Variants in ADPRHL1 observed in about 807,000 individuals in gnomAD.
The protein encoded by ADPRHL1 is ADP-ribosylhydrolase like 1.
A neutral mutation model predicts 44.1 loss-of-function variants in ADPRHL1; 43 were observed. The observed-to-expected ratio is 0.98, with a 90% CI of 0.76 to 1.26. ADPRHL1 has a LOEUF of 1.26. Ranked by LOEUF, ADPRHL1 falls within the 50% of genes most tolerant of loss-of-function variation. The pLI, the probability that ADPRHL1 is intolerant of heterozygous loss-of-function variation, is 0.00. For synonymous variants in ADPRHL1, 878 were observed against 1,017.4 expected (o/e 0.86, Z 2.61); for missense variants, 2,022 against 2,496.9 (o/e 0.81, Z 4.05).
At chr13:113,410,804 C>T (rs1348855323) in intron 7 of ADPRHL1, among the ~76,000 whole-genome samples, 1 of 152,192 alleles carries the variant, frequency 6.6e-6, no homozygotes, top group African/African-American at 2.4e-5. Flanking sequence ...AGCCTGGGGG[C>T]ATTGTGCTCC....
chr13:113,419,097 C>G (rs555988041), intron 7 of ADPRHL1, among the ~76,000 whole-genome samples: 1 of 4,436 alleles, frequency 2.3e-4, no homozygotes, highest in African/African-American at 7.2e-4. Context: ...TTCCCTCCCT[C>G]CCTTTCTTTT....
chr13:113,426,075 C>T (rs565399387), intron 4 of ADPRHL1, among the ~76,000 whole-genome samples: 8 of 152,292 alleles, frequency 5.3e-5, no homozygotes, highest in Admixed American at 2.6e-4. Context: ...CAGAGCAGGG[C>T]GTGGCATGTT....
chr13:113,431,453 G>C (rs917600233), intron 3 of ADPRHL1, among the ~76,000 whole-genome samples: 1 of 152,228 alleles, frequency 6.6e-6, no homozygotes, highest in Non-Finnish European at 1.5e-5. Context: ...TCTATGAATG[G>C]TTCTCAAGCC....
intron 7 of ADPRHL1, among the ~76,000 whole-genome samples, chr13:113,419,002 T>C (rs61968969): frequency 0.62 from 21,151 of 33,946 alleles, 5,635 homozygotes; most frequent in Middle Eastern, 0.84. Context: ...CTCCCTCCCT[T>C]CCTCCCTCCC....
chr13:113,438,754 G>A (rs1024897005), intron 2 of ADPRHL1, among the ~76,000 whole-genome samples: 1 of 152,072 alleles, frequency 6.6e-6, no homozygotes, highest in African/African-American at 2.4e-5. Flanking sequence ...GAACTCCTGG[G>A]TCCAAGTGAT....
Position 113,405,980 on chromosome 13 carries a change from T to C in ADPRHL1, c.3302A>G (p.Asn1101Ser). 1 of 1,232,102 alleles carries C rather than the reference T, an allele frequency of 8.1e-7. No homozygotes were observed. Among genetic ancestry groups the C allele is most frequent in the Non-Finnish European group, 1.0e-6 (1 of 988,038 alleles). 76.3% of individuals were successfully genotyped at this position (1,232,102 alleles called of 1,614,324 possible). A position where few individuals can be genotyped will look rare whatever the true frequency, so the allele number is the denominator to read the frequency against. ...TTTCATACCTGGTTTGGGTGGTTCA[T>C]TTAATGAGGACAGTGGGTTCTCGCG... is the stretch of plus-strand genomic sequence containing the variant. ...DVRENPLSSL[N>S]EPPKPGMKAC... is the part of the protein sequence containing the mutation. The change falls in exon 8 of 8, where the codon AAT becomes AGT. Residue 1101 changes from asparagine (N) to serine (S), a missense_variant. Around this residue, in one of 8 missense-constraint regions of ADPRHL1, gnomAD observed 1,221 missense variants for 1,517.8 expected, o/e 0.80. Transcript: ENST00000612156.
In ADPRHL1 at chr13:113,453,442, G is replaced by T; in HGVS notation, c.-5C>A. ...CGCAGCCTTAAATTTCTCCATCCCA[G>T]GAGGCAGCTCCTCTTCCCCAACAGC... On this transcript the variant is annotated 5_prime_UTR_variant, in exon 1 of 8. It adds an upstream start codon to the 5' untranslated region. Coordinates refer to ENST00000612156, the MANE Select transcript of ADPRHL1 (RefSeq NM_001394807.1). This position sits in a 1 kb window ranked among gnomAD's most constrained non-coding sequence, Gnocchi z 5.4. 1 of 1,613,958 alleles carries T rather than the reference G, an allele frequency of 6.2e-7. No individual in the cohort carries two copies. The highest frequency in any genetic ancestry group is 8.5e-7 in the Non-Finnish European group (1 of 1,180,010).
chr13:113,423,562 C>G (rs1366736613), intron 6 of ADPRHL1, among the ~76,000 whole-genome samples: 1 of 152,246 alleles, frequency 6.6e-6, no homozygotes, highest in African/African-American at 2.4e-5. Flanking sequence ...CCAAGCCTCA[C>G]TGAAGGGAGG....
rs559123104 is a variant in ADPRHL1, at chr13:113,407,019, C to T, written c.2263G>A (p.Val755Ile). 26 of 1,232,264 alleles carry T rather than the reference C, an allele frequency of 2.1e-5. No individual in the cohort carries two copies. Among genetic ancestry groups the T allele is most frequent in the South Asian group, 2.1e-4 (5 of 24,324 alleles). The allele number at this position is 1,232,264 out of a possible 1,614,324, so 76.3% of individuals were successfully genotyped here. A position where few individuals can be genotyped will look rare whatever the true frequency, so the allele number is the denominator to read the frequency against. ...AGCCTGGCTCCCCTCACCTCCTGGA[C>T]GCCTCCTGCGGTGCTCTCTGCGGTG... ...DPTAESTAGG[V>I]QEVRGARLTW... Residue 755 changes from valine (V) to isoleucine (I), a missense_variant, in exon 8 of 8, where the codon GTC becomes ATC. Coordinates refer to ENST00000612156, the MANE Select transcript of ADPRHL1 (RefSeq NM_001394807.1).
chr13:113,450,958 C>CCG (rs1555328347), intron 1 of ADPRHL1, among the ~76,000 whole-genome samples: 2 of 151,560 alleles, frequency 1.3e-5, no homozygotes, highest in African/African-American at 4.9e-5. Flanking sequence ...GGAGACCCCC[C>CCG]CCCCCTTCCT....
In ADPRHL1 at chr13:113,424,444, G is replaced by T. The variant is rs567894195; in HGVS notation, c.775-95C>A. 4 of 1,517,056 alleles carry T rather than the reference G, an allele frequency of 2.6e-6. No homozygotes were observed. In the African/African-American group the frequency reaches 4.1e-5, roughly 16 times the overall value. The allele number at this position is 1,517,056 out of a possible 1,614,324, so 94.0% of individuals were successfully genotyped here. A position where few individuals can be genotyped will look rare whatever the true frequency, so the allele number is the denominator to read the frequency against. On this transcript the variant is annotated intron_variant, in intron 5 of 7. Coordinates refer to ENST00000612156, the MANE Select transcript of ADPRHL1 (RefSeq NM_001394807.1). The stretch of plus-strand genomic sequence containing the variant: ...CTTTCTGGGCCCCTCCTAGTGAACT[G>T]CCATTTCATCCATCCACCCTTTTCT...
intron 7 of ADPRHL1, among the ~76,000 whole-genome samples, chr13:113,416,724 T>C (rs1387232449): frequency 6.6e-6 from 1 of 152,224 alleles, no homozygotes; most frequent in African/African-American, 2.4e-5. Context: ...AGGATGCTGT[T>C]ATGTTGGATA....
In ADPRHL1 at chr13:113,405,655, G is replaced by A; in HGVS notation, c.3627C>T (p.Ala1209=). Reference sequence around the variant, plus strand: ...GGGCCGCAGCATCCTCCGGGTGGCGGGCGAGGGTCGCAATGTCCTCTGGGT... The same window carrying A: ...GGGCCGCAGCATCCTCCGGGTGGCGAGCGAGGGTCGCAATGTCCTCTGGGT... The part of the protein sequence containing the change: ...VQHPEDIATL[A]RHPEDAAALA... Residue 1209 remains alanine, a synonymous_variant, in exon 8 of 8, where the codon GCC becomes GCT. Transcript: ENST00000612156. 5.7e-6 allele frequency: 7 copies of A among 1,232,754 alleles called. No individual in the cohort carries two copies. The highest frequency in any genetic ancestry group is 7.1e-6 in the Non-Finnish European group (7 of 988,840). 76.4% of individuals were successfully genotyped at this position (1,232,754 alleles called of 1,614,324 possible). A position where few individuals can be genotyped will look rare whatever the true frequency, so the allele number is the denominator to read the frequency against.
At chr13:113,447,023 T>C (rs2044144701) in intron 1 of ADPRHL1, among the ~76,000 whole-genome samples, 1 of 142,812 alleles carries the variant, frequency 7.0e-6, no homozygotes, top group African/African-American at 2.6e-5. Flanking sequence ...CACGGTGTTG[T>C]GTGTGTATGG....
Position 113,403,241 on chromosome 13 carries a change from G to A in ADPRHL1, c.*137C>T. The A allele has an allele frequency of 1.3e-6, 1 of 775,160 alleles. No homozygotes were observed. The highest frequency in any genetic ancestry group is 3.4e-5 in the East Asian group (1 of 29,734). The allele number at this position is 775,160 out of a possible 1,614,324, so 48.0% of individuals were successfully genotyped here. On this transcript the variant is annotated 3_prime_UTR_variant, in exon 8 of 8. Coordinates refer to ENST00000612156, the MANE Select transcript of ADPRHL1 (RefSeq NM_001394807.1). ...AATCCTCCCAAGGTCAGCTTGTGAAGAAGGGAAAGAAAATTATGGAAACAG... is the reference window on the plus strand; with the variant it reads ...AATCCTCCCAAGGTCAGCTTGTGAAAAAGGGAAAGAAAATTATGGAAACAG...
intron 2 of ADPRHL1, among the ~76,000 whole-genome samples, chr13:113,438,492 G>C (rs899708585): frequency 6.6e-6 from 1 of 151,954 alleles, no homozygotes; most frequent in African/African-American, 2.4e-5. Flanking sequence ...TCAGGAGTTC[G>C]AGACCAGCCT....
At position 113,404,375 on chromosome 13, in the gene ADPRHL1, G is replaced by A. The variant is rs1340432494; in HGVS notation, c.4907C>T (p.Ala1636Val). 3.0e-6 allele frequency: 4 copies of A among 1,324,522 alleles called. No individual in the cohort carries two copies. The highest frequency in any genetic ancestry group is 3.8e-6 in the Non-Finnish European group (4 of 1,045,270). The allele number at this position is 1,324,522 out of a possible 1,614,324, so 82.0% of individuals were successfully genotyped here. The change falls in exon 8 of 8, where the codon GCT becomes GTT. Residue 1636 changes from alanine (A) to valine (V), a missense_variant. Around this residue, in one of 8 missense-constraint regions of ADPRHL1, gnomAD observed 78 missense variants for 76.5 expected, o/e 1.02. Coordinates refer to ENST00000612156, the MANE Select transcript of ADPRHL1 (RefSeq NM_001394807.1). ...GGCCTGACCCTGAACCCGTTCCTGA[G>A]CCCCTTTCTGGGTCTGTTCCTGAGC... is the stretch of plus-strand genomic sequence containing the variant. ...KWAQEQTQKG[A>V]QERVQGQAQK... is the part of the protein sequence containing the mutation.
Position 113,444,357 on chromosome 13 carries a change from G to A in ADPRHL1, c.379+68C>T, listed in dbSNP as rs949694622. On this transcript the variant is annotated intron_variant, in intron 2 of 7. Coordinates refer to ENST00000612156, the MANE Select transcript of ADPRHL1 (RefSeq NM_001394807.1). ...TGGAGATGCTGGGGGTTAGTGGAAG[G>A]CAGATGGTTAGGACCGCAGGGTCCC... The A allele has an allele frequency of 1.9e-6, 3 of 1,557,088 alleles. No homozygotes were observed. In the African/African-American group the frequency reaches 4.1e-5, roughly 21 times the overall value.
At chr13:113,427,868 T>C (rs2043978242) in intron 4 of ADPRHL1, among the ~76,000 whole-genome samples, 1 of 138,946 alleles carries the variant, frequency 7.2e-6, no homozygotes, top group Non-Finnish European at 1.6e-5. Flanking sequence ...TATCCGTGCC[T>C]GCACCCCCGT....
Sources: allele counts gnomAD v4.1 joint callset (sites outside exome capture counted in the v4.1 genomes callset), GRCh38; gene constraint gnomAD v4.1.1; regional missense constraint gnomAD v4.1.1; non-coding constraint Gnocchi (gnomAD v3.1); transcripts MANE v1.5; gene names NCBI Gene and HGNC (gene_info 2026-07-23, HGNC 2026-07-21).